JAKMIP3: variants seen among roughly 807,000 people sequenced by gnomAD.
JAKMIP3 encodes Janus kinase and microtubule interacting protein 3.
JAKMIP3 carries 58 observed loss-of-function variants against 118.5 expected under a neutral mutation model. That is an observed-to-expected ratio of 0.49 (90% confidence interval 0.40 to 0.61). The LOEUF is 0.61. Among genes scored for constraint, JAKMIP3 ranks in the 20% least tolerant of loss-of-function variants. JAKMIP3 has a pLI of 0.00. For missense variants in JAKMIP3, 950 were observed against 1,109.0 expected, an observed-to-expected ratio of 0.86 and a Z score of 2.04; for synonymous variants, 486 against 451.2, an observed-to-expected ratio of 1.08 and a Z score of -0.98.
chr10:132,116,577 TC>T (rs35567750), intron 2 of JAKMIP3, among the ~76,000 whole-genome samples: 2 of 36,694 alleles, frequency 5.5e-5, no homozygotes, highest in Admixed American at 3.2e-4. Context: ...TCATGGACGC[TC>T]CCCCCGAATA....
intron 23 of JAKMIP3, among the ~76,000 whole-genome samples, chr10:132,180,222 C>T (rs1267575124): frequency 6.6e-6 from 1 of 152,190 alleles, no homozygotes; most frequent in East Asian, 1.9e-4. Context: ...CAGCTAGCAG[C>T]CTCAGGCCTG....
intron 2 of JAKMIP3, among the ~76,000 whole-genome samples, chr10:132,108,055 G>A (rs1175096157): frequency 1.3e-5 from 2 of 152,232 alleles, no homozygotes; most frequent in African/African-American, 4.8e-5. Context: ...GGTGCTGGCT[G>A]CTCTGGGACC....
At chr10:132,099,310 C>T (rs1589806646) in intron 1 of JAKMIP3, among the ~76,000 whole-genome samples, 3 of 152,190 alleles carry the variant, frequency 2.0e-5, no homozygotes, top group Non-Finnish European at 4.4e-5. Flanking sequence ...TTGTCTTCCA[C>T]ACAGAAACCT....
chr10:132,040,041 C>A (rs1460526989), intron 1 of JAKMIP3, among the ~76,000 whole-genome samples: 1 of 152,232 alleles, frequency 6.6e-6, no homozygotes, highest in African/African-American at 2.4e-5. Flanking sequence ...TGCTGTAAGT[C>A]ATTAGGTGCT....
At chr10:132,040,790 T>C (rs1391190686) in intron 1 of JAKMIP3, among the ~76,000 whole-genome samples, 3 of 152,196 alleles carry the variant, frequency 2.0e-5, no homozygotes, top group Non-Finnish European at 4.4e-5. Context: ...AGCAGATTTC[T>C]GGAGGTTATT....
intron 1 of JAKMIP3, among the ~76,000 whole-genome samples, chr10:132,087,332 G>T (rs1051544728): frequency 6.6e-6 from 1 of 150,880 alleles, no homozygotes; most frequent in Non-Finnish European, 1.5e-5. Context: ...TGATGACAAT[G>T]TGCCTAGGCG....
intron 19 of JAKMIP3, among the ~76,000 whole-genome samples, chr10:132,156,957 G>A (rs993184469): frequency 2.6e-5 from 4 of 151,984 alleles, no homozygotes; most frequent in South Asian, 2.1e-4. Flanking sequence ...AGTTCACTAC[G>A]TGCCCAGCAC....
Position 132,153,896 on chromosome 10 carries a change from G to A in JAKMIP3, c.2143-17G>A, listed in dbSNP as rs1345468053. On this transcript the variant is annotated splice_polypyrimidine_tract_variant and intron_variant, in intron 18 of 23. Coordinates refer to ENST00000684848, the MANE Select transcript of JAKMIP3 (RefSeq NM_001323087.2). ...GTGGGACATCCGAGACCGAGGCATG[G>A]CCCTCCTGTGTTTCAGGAGCTGTTC... The A allele has an allele frequency of 2.5e-6, 4 of 1,612,722 alleles. No individual in the cohort carries two copies. In the Admixed American group the frequency reaches 6.7e-5, roughly 27 times the overall value.
intron 1 of JAKMIP3, among the ~76,000 whole-genome samples, chr10:132,101,997 G>T (rs576545571): frequency 1.0e-5 from 1 of 100,138 alleles, no homozygotes; most frequent in South Asian, 2.6e-4. Context: ...CGCTCATGTG[G>T]TTGGGACCAG....
intron 2 of JAKMIP3, among the ~76,000 whole-genome samples, chr10:132,114,071 A>G (rs145455898): frequency 2.9e-4 from 44 of 152,328 alleles, no homozygotes; most frequent in Non-Finnish European, 4.3e-4. Flanking sequence ...CCTCTCTGTG[A>G]GGAGACTGTG....
chr10:132,097,903 T>TTCCTTCCTTCCTTTTCTTTTC lies in JAKMIP3; in HGVS notation c.-137-6766_-137-6765insTTCCTTCCTTTTCTTTTCTCC, dbSNP rs1564892531. Among the ~76,000 whole-genome samples, 165 of 72,916 alleles carry TTCCTTCCTTCCTTTTCTTTTC rather than the reference T, an allele frequency of 2.3e-3. 2 individuals are homozygous for TTCCTTCCTTCCTTTTCTTTTC. The highest frequency in any genetic ancestry group is 6.4e-3 in the African/African-American group (141 of 22,034). 47.8% of individuals were successfully genotyped at this position (72,916 alleles called of 152,430 possible). ...TTATTTTCTTCCCTTCCCCTTCCCCTTCCCCTTCCCCTTCCCCTTTCCTTC... is the reference window on the plus strand; with the variant it reads ...TTATTTTCTTCCCTTCCCCTTCCCCTTCCTTCCTTCCTTTTCTTTTCTCCCCTTCCCCTTCCCCTTTCCTTC... On this transcript the variant is annotated intron_variant, in intron 1 of 23. Coordinates refer to ENST00000684848, the MANE Select transcript of JAKMIP3 (RefSeq NM_001323087.2).
rs907038814 is a variant in JAKMIP3, at chr10:132,104,803, C to T, written c.-6C>T. The T allele has an allele frequency of 1.7e-5, 27 of 1,550,550 alleles. No homozygotes were observed. Among genetic ancestry groups the T allele is most frequent in the Non-Finnish European group, 2.3e-5 (26 of 1,146,818 alleles). On this transcript the variant is annotated 5_prime_UTR_variant, in exon 2 of 24. Transcript: ENST00000684848. ...CTGGGCATCCCCCTGGCCATCCAGC[C>T]TCACCATGTCCAAGAGGGGCATGAG...
chr10:132,068,373 A>G (rs1370980801), intron 1 of JAKMIP3, among the ~76,000 whole-genome samples: 1 of 152,204 alleles, frequency 6.6e-6, no homozygotes, highest in Non-Finnish European at 1.5e-5. Flanking sequence ...TGGACCCTGA[A>G]ACGGCCCTCT....
At chr10:132,174,138 G>A (rs77627150) in intron 23 of JAKMIP3, among the ~76,000 whole-genome samples, 22,373 of 151,960 alleles carry the variant, frequency 0.15, 1,799 homozygotes, top group Middle Eastern at 0.16. Flanking sequence ...TGGCTTTCTC[G>A]GTTGTGACCC....
chr10:132,041,876 T>A (rs974364085), intron 1 of JAKMIP3, among the ~76,000 whole-genome samples: 1 of 152,108 alleles, frequency 6.6e-6, no homozygotes, highest in Non-Finnish European at 1.5e-5. Context: ...TTTCTTTTTT[T>A]TTTCTTTGAG....
intron 1 of JAKMIP3, among the ~76,000 whole-genome samples, chr10:132,079,039 C>G (rs73395779): frequency 6.6e-6 from 1 of 150,680 alleles, no homozygotes; most frequent in Non-Finnish European, 1.5e-5. Flanking sequence ...ACTCCTGCCC[C>G]GTCACCCTCT....
chr10:132,128,118 C>G lies in JAKMIP3; in HGVS notation c.634-5194C>G, dbSNP rs569421893. Among the ~76,000 whole-genome samples, 3 of 152,344 alleles carry G rather than the reference C, an allele frequency of 2.0e-5. No homozygotes were observed. The East Asian group carries it at 5.8e-4, about 29-fold the overall frequency. ...TGTGGGTGTATTAACAAAGGACGCTCTCTACTTTTGTCTAAGGACATCTTG... is the reference window on the plus strand; with the variant it reads ...TGTGGGTGTATTAACAAAGGACGCTGTCTACTTTTGTCTAAGGACATCTTG... On this transcript the variant is annotated intron_variant, in intron 3 of 23. Transcript: ENST00000684848.
rs61864379 is a variant in JAKMIP3, at chr10:132,115,222, C to G, written c.136-1855C>G. 3.3e-3 allele frequency among the ~76,000 whole-genome samples: 289 copies of G among 88,646 alleles called. 3 individuals are homozygous for G. The highest frequency in any genetic ancestry group is 0.015 in the African/African-American group (269 of 17,752). The allele number at this position is 88,646 out of a possible 152,430, so 58.2% of individuals were successfully genotyped here. On this transcript the variant is annotated intron_variant, in intron 2 of 23. Coordinates refer to ENST00000684848, the MANE Select transcript of JAKMIP3 (RefSeq NM_001323087.2). ...GCGATCGCGGCTAGGGGTCACCCTG[C>G]CGGGTCACCGCGATCGCGGCTAGGG...
At position 132,180,626 on chromosome 10, in the gene JAKMIP3, C is replaced by T. The variant is rs1421115637; in HGVS notation, c.*1104-1731C>T. 4.9e-3 allele frequency among the ~76,000 whole-genome samples: 114 copies of T among 23,346 alleles called. 23 individuals are homozygous for T. Among genetic ancestry groups the T allele is most frequent in the African/African-American group, 0.019 (61 of 3,252 alleles). The allele number at this position is 23,346 out of a possible 152,430, so 15.3% of individuals were successfully genotyped here. A position where few individuals can be genotyped will look rare whatever the true frequency, so the allele number is the denominator to read the frequency against. The stretch of plus-strand genomic sequence containing the variant: ...GCGCGTGTGTGTGTGCGTGTGTGTG[C>T]GTGTGTGCGTGCGTGTGTGCGTGTG... On this transcript the variant is annotated intron_variant, in intron 23 of 23. Transcript: ENST00000684848.
Sources: allele counts gnomAD v4.1 joint callset (sites outside exome capture counted in the v4.1 genomes callset), GRCh38; gene constraint gnomAD v4.1.1; transcripts MANE v1.5; gene names NCBI Gene and HGNC (gene_info 2026-07-23, HGNC 2026-07-21).